RNGTT: variants seen among roughly 807,000 people sequenced by gnomAD.
The protein encoded by RNGTT is RNA guanylyltransferase and 5'-phosphatase.
RNGTT carries 33 observed loss-of-function variants against 79.3 expected under a neutral mutation model. The observed-to-expected ratio is 0.42, with a 90% CI of 0.32 to 0.56. RNGTT has a LOEUF of 0.56. RNGTT is among the 20% of genes least tolerant of loss of function. The probability of loss-of-function intolerance (pLI) is 0.17; values close to 1 mark genes in which losing one functional copy is unlikely to be tolerated. For synonymous variants in RNGTT, 222 were observed against 235.9 expected (o/e 0.94, Z 0.54); for missense variants, 497 against 739.1 (o/e 0.67, Z 3.80).
chr6:88,881,931 C>T (rs1782705826), intron 8 of RNGTT, among the ~76,000 whole-genome samples: 1 of 152,182 alleles, frequency 6.6e-6, no homozygotes, highest in Non-Finnish European at 1.5e-5. Context: ...TACTAATTCT[C>T]TATAAGATTT....
chr6:88,883,233 T>C (rs1483963732), intron 8 of RNGTT, among the ~76,000 whole-genome samples: 3 of 146,818 alleles, frequency 2.0e-5, no homozygotes, highest in African/African-American at 7.5e-5. Flanking sequence ...CAGCATGCAC[T>C]ATATAAAACA....
intron 13 of RNGTT, among the ~76,000 whole-genome samples, chr6:88,752,545 C>A (rs756083338): frequency 8.5e-5 from 13 of 152,136 alleles, no homozygotes; most frequent in Non-Finnish European, 1.9e-4. Context: ...ATAACTGCTT[C>A]ATTTTACCAA....
chr6:88,670,496 G>C (rs1774594126), intron 14 of RNGTT, among the ~76,000 whole-genome samples: 1 of 152,082 alleles, frequency 6.6e-6, no homozygotes, highest in African/African-American at 2.4e-5. Context: ...TTCTAAAAGG[G>C]GGGAATAAGG....
At chr6:88,919,259 T>G (rs532657696) in intron 4 of RNGTT, among the ~76,000 whole-genome samples, 18 of 152,326 alleles carry the variant, frequency 1.2e-4, no homozygotes, top group African/African-American at 4.3e-4. Context: ...CCACAGTTTT[T>G]AACTAAATAT....
chr6:88,730,327 C>G (rs1014105448), intron 13 of RNGTT, among the ~76,000 whole-genome samples: 10 of 152,254 alleles, frequency 6.6e-5, no homozygotes, highest in Admixed American at 2.6e-4. Context: ...CTGTCACTCT[C>G]TTTAAATTAG....
At chr6:88,810,294 A>G (rs1780095500) in intron 11 of RNGTT, among the ~76,000 whole-genome samples, 1 of 152,186 alleles carries the variant, frequency 6.6e-6, no homozygotes, top group Non-Finnish European at 1.5e-5. Flanking sequence ...TGGATGGTGA[A>G]GCTGATGAAA....
chr6:88,698,689 C>T (rs145788988), intron 13 of RNGTT, among the ~76,000 whole-genome samples: 3 of 151,910 alleles, frequency 2.0e-5, no homozygotes, highest in Non-Finnish European at 2.9e-5. Context: ...AATTTAAAAG[C>T]GATTAACTAG....
At chr6:88,759,029 CA>C (rs971397322) in intron 13 of RNGTT, among the ~76,000 whole-genome samples, 2 of 151,992 alleles carry the variant, frequency 1.3e-5, no homozygotes, top group African/African-American at 4.8e-5. Flanking sequence ...ATGGTGGTGG[CA>C]AAATAATTTT....
chr6:88,886,471 C>T (rs1156435224), intron 8 of RNGTT, among the ~76,000 whole-genome samples: 1 of 152,030 alleles, frequency 6.6e-6, no homozygotes, highest in Non-Finnish European at 1.5e-5. Flanking sequence ...TTGATTTTGG[C>T]CATTGTACTG....
intron 13 of RNGTT, among the ~76,000 whole-genome samples, chr6:88,724,469 G>C (rs1049829495): frequency 6.6e-6 from 1 of 152,076 alleles, no homozygotes; most frequent in African/African-American, 2.4e-5. Flanking sequence ...ATATAGCCTA[G>C]GTGTGTGGTA....
At chr6:88,743,599 A>G in intron 13 of RNGTT, among the ~76,000 whole-genome samples, 1 of 152,108 alleles carries the variant, frequency 6.6e-6, no homozygotes. Context: ...GGCTTATTTC[A>G]TTTTGCATAA....
At chr6:88,930,208 A>G (rs1432345082) in intron 2 of RNGTT, among the ~76,000 whole-genome samples, 2 of 142,860 alleles carry the variant, frequency 1.4e-5, no homozygotes, top group Non-Finnish European at 3.0e-5. Context: ...ACATATATAC[A>G]TATATACATA....
chr6:88,760,334 G>A (rs1334788934), intron 13 of RNGTT, among the ~76,000 whole-genome samples: 3 of 152,158 alleles, frequency 2.0e-5, no homozygotes. Flanking sequence ...ACCAGGCAAA[G>A]GAACTGAAAA....
intron 2 of RNGTT, among the ~76,000 whole-genome samples, chr6:88,933,158 T>C (rs1252711495): frequency 6.6e-6 from 1 of 152,230 alleles, no homozygotes; most frequent in African/African-American, 2.4e-5. Context: ...TTATGTATTA[T>C]GGGGTATATG....
intron 8 of RNGTT, among the ~76,000 whole-genome samples, chr6:88,868,468 T>C (rs1782247231): frequency 6.6e-6 from 1 of 152,168 alleles, no homozygotes; most frequent in Non-Finnish European, 1.5e-5. Context: ...TGGATTTATA[T>C]CAATTATTAA....
chr6:88,920,951 G>C (rs1003510473), intron 4 of RNGTT, among the ~76,000 whole-genome samples: 1 of 151,992 alleles, frequency 6.6e-6, no homozygotes, highest in African/African-American at 2.4e-5. Flanking sequence ...ATTTGCTTTG[G>C]GCCTGCCAAA....
intron 8 of RNGTT, 64 bp downstream of exon 8, chr6:88,890,431 C>A: frequency 9.8e-7 from 1 of 1,015,602 alleles, no homozygotes; most frequent in South Asian, 1.5e-5. Context: ...ACTTTTCTAA[C>A]AATAAAACAA....
rs554313965 is a variant in RNGTT, at chr6:88,668,723, GT to G, written c.1506+9629del. On this transcript the variant is annotated intron_variant, in intron 14 of 15. Coordinates refer to ENST00000369485, the MANE Select transcript of RNGTT (RefSeq NM_003800.5). ...AAATAAGATTAAGAACTGAGGACTG[GT>G]GGGGACTCATGAAAGATACAAGTAA... Among the ~76,000 whole-genome samples, 568 of 152,234 alleles carry G rather than the reference GT, an allele frequency of 3.7e-3. 5 individuals are homozygous for G. Among genetic ancestry groups the G allele is most frequent in the African/African-American group, 0.013 (552 of 41,536 alleles).
intron 8 of RNGTT, among the ~76,000 whole-genome samples, chr6:88,888,475 AAC>A (rs1339039961): frequency 6.6e-6 from 1 of 152,202 alleles, no homozygotes; most frequent in Non-Finnish European, 1.5e-5. Flanking sequence ...ATCCATCAAA[AAC>A]ACATATCCAC....
Sources: gnomAD v4.1 joint callset for allele counts (sites outside exome capture counted in the v4.1 genomes callset) on GRCh38, gnomAD v4.1.1 for gene constraint, MANE v1.5 for transcripts, NCBI Gene and HGNC (gene_info 2026-07-23, HGNC 2026-07-21) for gene names.